USH2A: variants seen among roughly 807,000 people sequenced by gnomAD.
USH2A encodes the protein usherin.
A neutral mutation model predicts 538.9 loss-of-function variants in USH2A; 443 were observed. That is an observed-to-expected ratio of 0.82 (90% CI 0.76 to 0.89). The LOEUF is 0.89. Among genes scored for constraint, USH2A ranks in the 40% least tolerant of loss-of-function variants. The pLI, the probability that USH2A is intolerant of heterozygous loss-of-function variation, is 0.00. For missense variants in USH2A, 6,633 were observed against 6,324.8 expected, an observed-to-expected ratio of 1.05 and a Z score of -1.65; for synonymous variants, 2,413 against 2,273.5, an observed-to-expected ratio of 1.06 and a Z score of -1.75.
intron 30 of USH2A, among the ~76,000 whole-genome samples, chr1:216,065,532 A>C (rs1338492798): frequency 2.0e-5 from 3 of 152,228 alleles, no homozygotes; most frequent in Non-Finnish European, 4.4e-5. Flanking sequence ...ATTAGATGAG[A>C]TAAACATGTA....
intron 61 of USH2A, among the ~76,000 whole-genome samples, chr1:215,686,884 T>C (rs1658439702): frequency 6.6e-6 from 1 of 152,164 alleles, no homozygotes; most frequent in South Asian, 2.1e-4. Context: ...AATTATTCTT[T>C]AGACACAAGG....
At chr1:216,167,889 C>T (rs2034201950) in intron 21 of USH2A, among the ~76,000 whole-genome samples, 1 of 152,002 alleles carries the variant, frequency 6.6e-6, no homozygotes, top group Admixed American at 6.6e-5. Context: ...AACATTAGTG[C>T]ATAATCTTCT....
In USH2A at chr1:215,648,579, G is replaced by A. The variant is rs200570742; in HGVS notation, c.14531C>T (p.Thr4844Met). ...SPQIGTLASR[T>M]ASFRWSPPMF... ...GGGGGGACTCCACCGGAAGGAGGCC[G>A]TCCTTGAGGCCAGCGTCCCGATTTG... Residue 4844 changes from threonine to methionine, a missense_variant, in exon 66 of 72, where the codon ACG (threonine) becomes ATG (methionine). By Grantham distance (81) the Thr-to-Met change is moderately conservative. Coordinates refer to ENST00000307340, the MANE Select transcript of USH2A (RefSeq NM_206933.4). The A allele has an allele frequency of 1.1e-4, 171 of 1,614,182 alleles. 2 individuals carry two copies. In the Admixed American group the frequency reaches 1.4e-3, roughly 13 times the overall value.
chr1:216,102,008 T>A (rs952467790), intron 21 of USH2A, among the ~76,000 whole-genome samples: 1 of 152,156 alleles, frequency 6.6e-6, no homozygotes, highest in African/African-American at 2.4e-5. Context: ...AGGCAAAGAA[T>A]TCTTAAACGA....
At chr1:215,766,851 C>G in intron 55 of USH2A, 63 bp from the exon 56 acceptor site, 3 of 1,420,698 alleles carry the variant, frequency 2.1e-6, no homozygotes, top group Non-Finnish European at 3.0e-6. Context: ...CAATTAAGTA[C>G]CAGAAGTAAC....
intron 30 of USH2A, among the ~76,000 whole-genome samples, chr1:216,055,301 G>A (rs1047505692): frequency 6.6e-6 from 1 of 152,134 alleles, no homozygotes; most frequent in African/African-American, 2.4e-5. Context: ...CATTTATTAA[G>A]AGGGCCATCT....
intron 15 of USH2A, among the ~76,000 whole-genome samples, 186 bp from the exon 16 acceptor site, chr1:216,207,617 T>C (rs1051430298): frequency 6.6e-6 from 1 of 151,774 alleles, no homozygotes; most frequent in Admixed American, 6.6e-5. Flanking sequence ...TTTTTATCTA[T>C]AAGCATAAAA....
In USH2A at chr1:216,000,403, T is replaced by C. The variant is rs760264555; in HGVS notation, c.6485A>G (p.Gln2162Arg). The C allele has an allele frequency of 3.7e-6, 6 of 1,613,490 alleles. No individual in the cohort carries two copies. The stretch of plus-strand genomic sequence containing the variant: ...TGAGAGAGACAACATTTCTACTTAC[T>C]GTATGTGTATAGTTCTAGAATCCAG... ...TVLDSRTIHI[Q>R]WKQPRKISGI... The change falls in exon 33 of 72, where the codon CAG becomes CGG. Residue 2162 changes from glutamine (Q) to arginine (R), a missense_variant and splice_region_variant. Gln to Arg is a conservative substitution (Grantham distance 43). Transcript: ENST00000307340.
intron 4 of USH2A, among the ~76,000 whole-genome samples, chr1:216,329,585 C>T (rs535027834): frequency 2.6e-5 from 4 of 152,176 alleles, no homozygotes; most frequent in Admixed American, 2.6e-4. Context: ...ATGCTCAGTT[C>T]TTCCTCTCCT....
intron 21 of USH2A, among the ~76,000 whole-genome samples, chr1:216,152,394 T>C (rs2033854989): frequency 6.6e-6 from 1 of 151,586 alleles, no homozygotes; most frequent in South Asian, 2.1e-4. Context: ...GACATTACCT[T>C]GTGAAAGTCC....
intron 37 of USH2A, among the ~76,000 whole-genome samples, chr1:215,953,588 T>C (rs1464097607): frequency 1.3e-5 from 2 of 151,986 alleles, no homozygotes; most frequent in Non-Finnish European, 2.9e-5. Context: ...ACTTAAATGT[T>C]AGACCTAAAA....
chr1:215,722,860 C>T (rs1659703192), intron 61 of USH2A, among the ~76,000 whole-genome samples: 2 of 152,158 alleles, frequency 1.3e-5, no homozygotes, highest in South Asian at 4.1e-4. Context: ...AATAGGTAAA[C>T]CACCTTTTTC....
chr1:215,819,547 G>GA (rs1662952753), intron 47 of USH2A, among the ~76,000 whole-genome samples: 1 of 151,772 alleles, frequency 6.6e-6, no homozygotes, highest in South Asian at 2.1e-4. Flanking sequence ...CTATTATTCT[G>GA]AAGTTTTTAT....
At chr1:215,642,109 T>C (rs1313183930) in intron 67 of USH2A, among the ~76,000 whole-genome samples, 2 of 152,222 alleles carry the variant, frequency 1.3e-5, no homozygotes, top group African/African-American at 4.8e-5. Flanking sequence ...ATTTGTCCTG[T>C]AGGGTTTGGA....
chr1:215,625,977 C>CT lies in USH2A; in HGVS notation c.15520-108dup, dbSNP rs890023229. 8 of 1,095,362 alleles carry CT rather than the reference C, an allele frequency of 7.3e-6. No homozygotes were observed. The South Asian group carries it at 8.0e-5, about 11-fold the overall frequency. The allele number at this position is 1,095,362 out of a possible 1,614,324, so 67.9% of individuals were successfully genotyped here. On this transcript the variant is annotated intron_variant, in intron 71 of 71. Transcript: ENST00000307340. The stretch of plus-strand genomic sequence containing the variant: ...TGTAAAAAGTAATAAGTATTAAAGG[C>CT]TTTTTTATTCTCAACACCATGGTGG...
At chr1:215,633,279 C>T (rs1656366566) in intron 70 of USH2A, among the ~76,000 whole-genome samples, 1 of 152,136 alleles carries the variant, frequency 6.6e-6, no homozygotes, top group Admixed American at 6.5e-5. Flanking sequence ...AGGAGTGGGA[C>T]AGATGTGAGT....
At chr1:215,692,020 A>C (rs553591511) in intron 61 of USH2A, among the ~76,000 whole-genome samples, 1 of 152,324 alleles carries the variant, frequency 6.6e-6, no homozygotes, top group African/African-American at 2.4e-5. Flanking sequence ...CCAGGACAAT[A>C]AAGGGAAGAA....
At chr1:215,810,875 T>G (rs1242817262) in intron 49 of USH2A, among the ~76,000 whole-genome samples, 6 of 152,218 alleles carry the variant, frequency 3.9e-5, no homozygotes, top group Admixed American at 3.9e-4. Flanking sequence ...TAGAACTTAT[T>G]CAATTTTGAA....
chr1:215,989,680 GGTTTAAGGTGAAGACTGCTGC>G (rs1667959491), intron 35 of USH2A, among the ~76,000 whole-genome samples: 1 of 152,184 alleles, frequency 6.6e-6, no homozygotes, highest in Non-Finnish European at 1.5e-5. Flanking sequence ...GGGTGAGCAA[GGTTTAAGGTGAAGACTGCTGC>G]CCAGTATACT....
Sources: gnomAD v4.1 joint callset for allele counts (sites outside exome capture counted in the v4.1 genomes callset) on GRCh38, gnomAD v4.1.1 for gene constraint, MANE v1.5 for transcripts, NCBI Gene and HGNC (gene_info 2026-07-23, HGNC 2026-07-21) for gene names.